The following MECR variants were observed in gnomAD, a reference collection of about 807,000 sequenced individuals.
The protein encoded by MECR is enoyl-[acyl-carrier-protein] reductase, mitochondrial.
A neutral mutation model predicts 49.1 loss-of-function variants in MECR; 37 were observed. The ratio of observed to expected loss-of-function variants is 0.75; its 90% CI spans 0.58 to 0.99. MECR has a LOEUF of 0.99. Ranked by LOEUF, MECR falls within the 50% of genes least tolerant of loss-of-function variation. The pLI, the probability that MECR is intolerant of heterozygous loss-of-function variation, is 0.00. For missense variants in MECR, 470 were observed against 479.6 expected (o/e 0.98, Z 0.19); for synonymous variants, 198 against 191.1 (o/e 1.04, Z -0.30).
Position 29,204,561 on chromosome 1 carries a change from C to A in MECR, c.551-1328G>T, listed in dbSNP as rs1676114393. 2.6e-5 allele frequency among the ~76,000 whole-genome samples: 4 copies of A among 152,006 alleles called. No homozygotes were observed. The South Asian group carries it at 6.2e-4, about 24-fold the overall frequency. On this transcript the variant is annotated intron_variant, in intron 4 of 9. Transcript: ENST00000263702. ...CTTTGGTTTCCATTATATATATATT[C>A]CTATTTGTATAAACTGATCACAATA... is the stretch of plus-strand genomic sequence containing the variant.
At position 29,230,839 on chromosome 1, in the gene MECR, G is replaced by A. The variant is rs1161603443; in HGVS notation, c.68C>T (p.Ala23Val). ...GGCGGCAGGTCCGTGACAGCCAGAAGCTGGGAGCAGCCCCCGCCACTGCCG... is the reference window on the plus strand; with the variant it reads ...GGCGGCAGGTCCGTGACAGCCAGAAACTGGGAGCAGCCCCCGCCACTGCCG... ...PARQWRGLLP[A>V]SGCHGPAASS... The change falls in exon 1 of 10, where the codon GCT becomes GTT. Residue 23 changes from alanine to valine, a missense_variant. Coordinates refer to ENST00000263702, the MANE Select transcript of MECR (RefSeq NM_016011.5). 6.2e-7 allele frequency: 1 copy of A among 1,605,816 alleles called. No individual in the cohort carries two copies. Among genetic ancestry groups the A allele is most frequent in the Non-Finnish European group, 8.5e-7 (1 of 1,179,306 alleles).
intron 4 of MECR, among the ~76,000 whole-genome samples, chr1:29,206,160 G>C (rs903776655): frequency 6.6e-6 from 1 of 152,180 alleles, no homozygotes; most frequent in Non-Finnish European, 1.5e-5. Flanking sequence ...CACCCTCCAC[G>C]TTCTTTATTC....
At chr1:29,198,010 T>C (rs956523141) in intron 7 of MECR, among the ~76,000 whole-genome samples, 12 of 152,202 alleles carry the variant, frequency 7.9e-5, no homozygotes, top group African/African-American at 2.9e-4. Flanking sequence ...TTCCATGGAC[T>C]GGAGTGGGGG....
the MECR span, chr1:29,181,744 C>A: frequency 6.3e-7 from 1 of 1,580,434 alleles, no homozygotes; most frequent in Non-Finnish European, 8.6e-7. Flanking sequence ...CGATGTACAC[C>A]CGCGGCATCC....
intron 3 of MECR, among the ~76,000 whole-genome samples, chr1:29,210,855 A>C (rs1345926331): frequency 6.6e-6 from 1 of 152,236 alleles, no homozygotes; most frequent in Non-Finnish European, 1.5e-5. Flanking sequence ...TAGTGTGAAG[A>C]TTAAACTAAA....
intron 3 of MECR, among the ~76,000 whole-genome samples, chr1:29,211,394 C>A (rs1417075091): frequency 1.3e-4 from 20 of 152,188 alleles, no homozygotes; most frequent in Admixed American, 1.3e-3. Context: ...TGGAACACAG[C>A]CATGTTCACT....
At chr1:29,176,194 G>C in the MECR span, among the ~76,000 whole-genome samples, 1 of 152,140 alleles carries the variant, frequency 6.6e-6, no homozygotes, top group African/African-American at 2.4e-5. Context: ...GGAAGTTGCA[G>C]TGAGCTGAGA....
chr1:29,174,464 T>C, the MECR span, among the ~76,000 whole-genome samples: 288 of 152,290 alleles, frequency 1.9e-3, 1 homozygote, highest in African/African-American at 6.6e-3. Context: ...ATGGTTCTGA[T>C]TATGTCCATT....
chr1:29,203,673 C>T (rs924272781), intron 4 of MECR, among the ~76,000 whole-genome samples: 1 of 152,202 alleles, frequency 6.6e-6, no homozygotes, highest in Non-Finnish European at 1.5e-5. Context: ...CTGGATTGTT[C>T]CCTCTATGTG....
intron 3 of MECR, among the ~76,000 whole-genome samples, chr1:29,215,803 G>A (rs1205468200): frequency 1.3e-5 from 2 of 152,130 alleles, no homozygotes; most frequent in Non-Finnish European, 2.9e-5. Flanking sequence ...CTGGGGAGGC[G>A]GAGGTTTTGG....
intron 4 of MECR, among the ~76,000 whole-genome samples, chr1:29,203,461 T>C (rs1675830331): frequency 6.6e-6 from 1 of 152,254 alleles, no homozygotes; most frequent in African/African-American, 2.4e-5. Context: ...CAACTCAGCA[T>C]CTACACTGGA....
At chr1:29,174,635 G>C in the MECR span, among the ~76,000 whole-genome samples, 4 of 150,864 alleles carry the variant, frequency 2.7e-5, no homozygotes, top group East Asian at 7.7e-4. Flanking sequence ...AAAGGAGTCA[G>C]GAGAGGCATA....
chr1:29,201,291 G>C lies in MECR; in HGVS notation c.756+652C>G. On this transcript the variant is annotated intron_variant, in intron 6 of 9. Transcript: ENST00000263702. This position sits in a 1 kb window ranked among gnomAD's most constrained non-coding sequence, Gnocchi z 4.3. ...CTGATCTACTGCTTCAGAAATGTTC[G>C]CAAGAAGCGCATGCTCTTGAGTGTG... The C allele has an allele frequency of 4.3e-6, 2 of 464,122 alleles. No individual in the cohort carries two copies. Among genetic ancestry groups the C allele is most frequent in the South Asian group, 3.3e-5 (2 of 60,328 alleles). 28.8% of individuals were successfully genotyped at this position (464,122 alleles called of 1,614,324 possible).
chr1:29,211,259 G>A (rs552216702), intron 3 of MECR, among the ~76,000 whole-genome samples: 28 of 152,222 alleles, frequency 1.8e-4, no homozygotes, highest in African/African-American at 6.3e-4. Flanking sequence ...TGTAGAGATG[G>A]ACTTTCACCA....
rs371548103 is a variant in MECR, at chr1:29,212,291, C to T, written c.406+3714G>A. Reference sequence around the variant, plus strand: ...AAAATTAGCCAGGTGTAGTGGTGGGCGCCTGTAGTCCCAGCTACTCGGGAG... The same window carrying T: ...AAAATTAGCCAGGTGTAGTGGTGGGTGCCTGTAGTCCCAGCTACTCGGGAG... On this transcript the variant is annotated intron_variant, in intron 3 of 9. Transcript: ENST00000263702. Among the ~76,000 whole-genome samples, 57 of 151,478 alleles carry T rather than the reference C, an allele frequency of 3.8e-4. No homozygotes were observed. The South Asian group carries it at 0.011, about 30-fold the overall frequency.
chr1:29,205,832 G>C (rs1020915101), intron 4 of MECR, among the ~76,000 whole-genome samples: 34 of 151,978 alleles, frequency 2.2e-4, no homozygotes, highest in African/African-American at 7.0e-4. Context: ...CAAAAAAACA[G>C]CCGGAGCAGT....
chr1:29,171,815 G>A, the MECR span: 2 of 152,052 alleles, frequency 1.3e-5, no homozygotes, highest in Non-Finnish European at 2.9e-5. Flanking sequence ...CAAATACTTC[G>A]TATGGCCCTT....
chr1:29,205,696 G>A (rs1319519410), intron 4 of MECR, among the ~76,000 whole-genome samples: 1 of 152,114 alleles, frequency 6.6e-6, no homozygotes, highest in East Asian at 2.0e-4. Context: ...CAGGCATGGT[G>A]GCAGGCACCT....
rs1041340876 is a variant in MECR at position 29,200,504 on chromosome 1, C to A, written c.830+12G>T. 3.1e-6 allele frequency: 5 copies of A among 1,611,276 alleles called. No individual in the cohort carries two copies. Among genetic ancestry groups the A allele is most frequent in the South Asian group, 1.1e-5 (1 of 90,954 alleles). Reference sequence around the variant, plus strand: ...CTCTGGCGAGCTGGACCTGCAGGCCCAAGGGACTTACGCTAACTGCCGCAG... The same window carrying A: ...CTCTGGCGAGCTGGACCTGCAGGCCAAAGGGACTTACGCTAACTGCCGCAG... On this transcript the variant is annotated intron_variant, in intron 7 of 9. Transcript: ENST00000263702.
Sources: allele counts gnomAD v4.1 joint callset (sites outside exome capture counted in the v4.1 genomes callset), GRCh38; gene constraint gnomAD v4.1.1; non-coding constraint Gnocchi (gnomAD v3.1); transcripts MANE v1.5; gene names NCBI Gene and HGNC (gene_info 2026-07-23, HGNC 2026-07-21).